MIS18BP1: variants seen among roughly 807,000 people sequenced by gnomAD.
The protein encoded by MIS18BP1 is MIS18 binding protein 1.
A neutral mutation model predicts 116.1 loss-of-function variants in MIS18BP1; 72 were observed. The observed-to-expected ratio is 0.62, with a 90% confidence interval of 0.51 to 0.75. The LOEUF is 0.75. Ranked by LOEUF, MIS18BP1 falls within the 30% of genes least tolerant of loss-of-function variation. MIS18BP1 has a pLI of 0.00. For missense variants in MIS18BP1, 1,363 were observed against 1,303.2 expected, an observed-to-expected ratio of 1.05 and a Z score of -0.71; for synonymous variants, 386 against 427.0, an observed-to-expected ratio of 0.90 and a Z score of 1.18.
At chr14:45,235,773 T>C in intron 6 of MIS18BP1, 41 bp downstream of exon 6, 2 of 1,540,196 alleles carry the variant, frequency 1.3e-6, no homozygotes, top group East Asian at 4.6e-5. Context: ...GTTAACTGCT[T>C]TACTTCTTAA....
chr14:45,210,304 G>A (rs1890640030), intron 14 of MIS18BP1, 76 bp downstream of exon 14: 3 of 1,424,938 alleles, frequency 2.1e-6, no homozygotes, highest in East Asian at 4.6e-5. Flanking sequence ...TGGCATCTAT[G>A]GTCCTCATGA....
At chr14:45,227,335 C>T (rs949229590) in intron 9 of MIS18BP1, among the ~76,000 whole-genome samples, 18 of 152,008 alleles carry the variant, frequency 1.2e-4, no homozygotes, top group East Asian at 3.9e-4. Flanking sequence ...GGTGAAACCC[C>T]GTTACTACTA....
intron 6 of MIS18BP1, among the ~76,000 whole-genome samples, chr14:45,235,458 G>A (rs991714163): frequency 6.6e-6 from 1 of 151,286 alleles, no homozygotes; most frequent in Non-Finnish European, 1.5e-5. Context: ...GGGTGTGGTG[G>A]CAGGCACCTT....
At chr14:45,222,589 G>A (rs1328964283) in intron 11 of MIS18BP1, among the ~76,000 whole-genome samples, 1 of 152,102 alleles carries the variant, frequency 6.6e-6, no homozygotes, top group South Asian at 2.1e-4. Flanking sequence ...AGTGCTGTTA[G>A]GATCTTCCTG....
rs759954732 is a variant in MIS18BP1 at position 45,232,660 on chromosome 14, T to G, written c.1436+73A>C. 9 of 834,636 alleles carry G rather than the reference T, an allele frequency of 1.1e-5. No individual in the cohort carries two copies. In the Admixed American group the frequency reaches 1.5e-4, roughly 14 times the overall value. The allele number at this position is 834,636 out of a possible 1,614,324, so 51.7% of individuals were successfully genotyped here. A position where few individuals can be genotyped will look rare whatever the true frequency, so the allele number is the denominator to read the frequency against. ...AAATACAAAAATTAGCTGGACATGG[T>G]GGCACACACATAATTAAATGTAAAT... On this transcript the variant is annotated intron_variant, in intron 7 of 16. Transcript: ENST00000310806.
Position 45,224,545 on chromosome 14 carries a change from A to C in MIS18BP1, c.2042T>G (p.Phe681Cys). The C allele has an allele frequency of 1.1e-5, 17 of 1,612,504 alleles. No individual in the cohort carries two copies. The highest frequency in any genetic ancestry group is 1.4e-5 in the Non-Finnish European group (17 of 1,179,610). The change falls in exon 11 of 17, where the codon TTT becomes TGT. Residue 681 changes from phenylalanine to cysteine, a missense_variant. Transcript: ENST00000310806. ...TTTTTTTTGACACTCTGGTATTACA[A>C]AATCTGTTACTGCTTTGATGGTGCC... ...SAGTIKAVTD[F>C]VIPECQKKSP...
intron 14 of MIS18BP1, among the ~76,000 whole-genome samples, chr14:45,208,214 G>A (rs1258875509): frequency 6.6e-6 from 1 of 151,764 alleles, no homozygotes; most frequent in Non-Finnish European, 1.5e-5. Flanking sequence ...CTTATTTTTG[G>A]ATGTTTTGGT....
Position 45,224,035 on chromosome 14 carries a change from T to C in MIS18BP1, c.2552A>G (p.Glu851Gly). The C allele has an allele frequency of 6.2e-7, 1 of 1,613,910 alleles. No individual in the cohort carries two copies. Among genetic ancestry groups the C allele is most frequent in the Non-Finnish European group, 8.5e-7 (1 of 1,179,970 alleles). ...ETLQKSGVRK[E>G]FPITEAVGSD... ...TCCTACTGCCTCAGTAATTGGAAAC[T>C]CTTTCCTAACACCAGACTTCTGAAG... The change falls in exon 11 of 17, where the codon GAG (glutamate) becomes GGG (glycine). Residue 851 changes from glutamate to glycine, a missense_variant. Coordinates refer to ENST00000310806, the MANE Select transcript of MIS18BP1 (RefSeq NM_018353.5).
intron 15 of MIS18BP1, 76 bp downstream of exon 15, chr14:45,205,996 GGACTGTTACAT>G: frequency 1.2e-6 from 1 of 800,706 alleles, no homozygotes; most frequent in East Asian, 2.7e-5. Context: ...TCAGGGACAG[GGACTGTTACAT>G]GACTTACAAC....
Sources: allele counts gnomAD v4.1 joint callset (sites outside exome capture counted in the v4.1 genomes callset), GRCh38; gene constraint gnomAD v4.1.1; transcripts MANE v1.5; gene names NCBI Gene and HGNC (gene_info 2026-07-23, HGNC 2026-07-21).